COL27A1: variants seen among roughly 807,000 people sequenced by gnomAD.
COL27A1 encodes collagen alpha-1(XXVII) chain.
In COL27A1, 106 loss-of-function variants were observed where a neutral mutation model predicts 251.3. That is an observed-to-expected ratio of 0.42 (90% CI 0.36 to 0.50). The LOEUF (loss-of-function observed/expected upper bound fraction) is 0.50, where lower values mean the gene tolerates loss of function less well. COL27A1 is among the 20% of genes least tolerant of loss of function. The pLI, the probability that COL27A1 is intolerant of heterozygous loss-of-function variation, is 0.00. For missense variants in COL27A1, 2,325 were observed against 2,522.8 expected (o/e 0.92, Z 1.68); for synonymous variants, 1,000 against 986.3 (o/e 1.01, Z -0.26).
intron 16 of COL27A1, among the ~76,000 whole-genome samples, chr9:114,235,378 C>G (rs1045197400): frequency 6.6e-6 from 1 of 152,186 alleles, no homozygotes; most frequent in Admixed American, 6.5e-5. Flanking sequence ...TTCAGCCATC[C>G]GAGCAGCCCC....
At chr9:114,266,989 G>A (rs1177110413) in intron 33 of COL27A1, among the ~76,000 whole-genome samples, 2 of 152,166 alleles carry the variant, frequency 1.3e-5, no homozygotes, top group African/African-American at 2.4e-5. Flanking sequence ...GGGTCATGCA[G>A]CAAGGAACTT....
chr9:114,261,742 A>C (rs565611146), intron 28 of COL27A1, among the ~76,000 whole-genome samples: 2 of 149,776 alleles, frequency 1.3e-5, no homozygotes, highest in African/African-American at 4.8e-5. Flanking sequence ...TTTCTGAAAA[A>C]CAGTGACAGG....
intron 49 of COL27A1, among the ~76,000 whole-genome samples, chr9:114,292,675 A>G (rs1374384132): frequency 6.6e-6 from 1 of 152,264 alleles, no homozygotes; most frequent in Non-Finnish European, 1.5e-5. Flanking sequence ...ATGAAAAAGC[A>G]AGACCCAACT....
In COL27A1 at chr9:114,310,451, C is replaced by A; in HGVS notation, c.5437-98C>A. On this transcript the variant is annotated intron_variant, in intron 60 of 60. Coordinates refer to ENST00000356083, the MANE Select transcript of COL27A1 (RefSeq NM_032888.4). ...ATTGCTACAATGAAATACAGTATAG[C>A]CATTAAAAATTGTGAGGAAAGATGG... The A allele has an allele frequency of 6.2e-6, 8 of 1,299,814 alleles. 1 individual carries two copies. The highest frequency in any genetic ancestry group is 1.4e-5 in the African/African-American group (1 of 69,112). The allele number at this position is 1,299,814 out of a possible 1,614,324, so 80.5% of individuals were successfully genotyped here. A position where few individuals can be genotyped will look rare whatever the true frequency, so the allele number is the denominator to read the frequency against.
At chr9:114,301,571 G>A (rs943727569) in intron 54 of COL27A1, 109 bp downstream of exon 54, 3 of 1,535,850 alleles carry the variant, frequency 2.0e-6, no homozygotes, top group Non-Finnish European at 2.6e-6. Flanking sequence ...TCCCGTCTGT[G>A]CCAGAGGAAC....
At chr9:114,243,453 C>A in intron 22 of COL27A1, 54 bp from the exon 23 acceptor site, 1 of 1,515,238 alleles carries the variant, frequency 6.6e-7, no homozygotes, top group East Asian at 2.3e-5. Flanking sequence ...CCCCTGGACC[C>A]CAGCCATGTT....
In COL27A1 at chr9:114,209,583, T is replaced by A. The variant is rs553081799; in HGVS notation, c.2269-92T>A. 13 of 1,135,422 alleles carry A rather than the reference T, an allele frequency of 1.1e-5. No individual in the cohort carries two copies. The African/African-American group carries it at 2.0e-4, about 17-fold the overall frequency. The allele number at this position is 1,135,422 out of a possible 1,614,324, so 70.3% of individuals were successfully genotyped here. On this transcript the variant is annotated intron_variant, in intron 10 of 60. Transcript: ENST00000356083. Reference sequence around the variant, plus strand: ...CAGGGAGGAAGAGGAGGAGCCGGGATGTGGGATGGCAGTGGTGGGTGGGCT... The same window carrying A: ...CAGGGAGGAAGAGGAGGAGCCGGGAAGTGGGATGGCAGTGGTGGGTGGGCT...
chr9:114,280,623 C>A lies in COL27A1; in HGVS notation c.3718-1654C>A, dbSNP rs532604122. ...TGGCTGGAGGCCACGGGGCTAGTCC[C>A]ATACTAGAGGTGGGGAAACTAAGGT... is the stretch of plus-strand genomic sequence containing the variant. On this transcript the variant is annotated intron_variant, in intron 37 of 60. Coordinates refer to ENST00000356083, the MANE Select transcript of COL27A1 (RefSeq NM_032888.4). Among the ~76,000 whole-genome samples, 27 of 152,332 alleles carry A rather than the reference C, an allele frequency of 1.8e-4. No individual in the cohort carries two copies. In the East Asian group the frequency reaches 5.2e-3, roughly 29 times the overall value.
intron 49 of COL27A1, among the ~76,000 whole-genome samples, chr9:114,297,634 G>A (rs138209210): frequency 7.2e-4 from 109 of 152,174 alleles, no homozygotes; most frequent in Non-Finnish European, 1.2e-3. Flanking sequence ...ACACCCTTTC[G>A]TGATGAAAAC....
chr9:114,189,656 T>A (rs903095848), intron 5 of COL27A1, among the ~76,000 whole-genome samples: 1 of 152,224 alleles, frequency 6.6e-6, no homozygotes, highest in East Asian at 1.9e-4. Flanking sequence ...ATTTTTACAA[T>A]GTCTCTTAGT....
intron 4 of COL27A1, among the ~76,000 whole-genome samples, chr9:114,180,454 A>G (rs548487227): frequency 6.6e-4 from 100 of 152,156 alleles, no homozygotes; most frequent in South Asian, 1.5e-3. Flanking sequence ...CTCTCCTGAC[A>G]CGCTTCTAGG....
intron 3 of COL27A1, 127 bp from the exon 4 acceptor site, chr9:114,178,164 G>C (rs1440407631): frequency 1.3e-6 from 1 of 741,048 alleles, no homozygotes; most frequent in Admixed American, 2.1e-5. Flanking sequence ...GACCTCAGGG[G>C]ACTCCTCCTC....
intron 27 of COL27A1, among the ~76,000 whole-genome samples, chr9:114,256,846 C>T (rs1163075007): frequency 2.6e-5 from 4 of 152,226 alleles, no homozygotes; most frequent in African/African-American, 9.6e-5. Flanking sequence ...TTTCAGCACT[C>T]TATGCCTTGA....
chr9:114,156,455 G>T (rs1471387853), intron 1 of COL27A1, among the ~76,000 whole-genome samples: 2 of 152,050 alleles, frequency 1.3e-5, no homozygotes, highest in Admixed American at 6.5e-5. Flanking sequence ...GAAATTGTCC[G>T]CAAGTTTCTA....
chr9:114,194,193 G>A (rs1015501193), intron 5 of COL27A1, among the ~76,000 whole-genome samples: 1 of 152,166 alleles, frequency 6.6e-6, no homozygotes, highest in African/African-American at 2.4e-5. Flanking sequence ...GGAGGAACTT[G>A]GACTTTGTCA....
intron 11 of COL27A1, 35 bp from the exon 12 acceptor site, chr9:114,210,947 C>T (rs372698863): frequency 2.5e-5 from 41 of 1,613,156 alleles, no homozygotes; most frequent in Non-Finnish European, 3.4e-5. Context: ...CTGCTGGCAT[C>T]CTGCCCTGAC....
At chr9:114,198,599 G>A (rs958454769) in intron 7 of COL27A1, among the ~76,000 whole-genome samples, 2 of 152,176 alleles carry the variant, frequency 1.3e-5, no homozygotes, top group African/African-American at 2.4e-5. Flanking sequence ...GCTAGGATTC[G>A]AACCCAGGTC....
chr9:114,294,206 C>A (rs1390076373), intron 49 of COL27A1, among the ~76,000 whole-genome samples: 4 of 146,838 alleles, frequency 2.7e-5, no homozygotes, highest in Admixed American at 2.1e-4. Flanking sequence ...CAAGATCGTG[C>A]CATTGCACTC....
At chr9:114,210,571 G>A (rs959429710) in intron 11 of COL27A1, among the ~76,000 whole-genome samples, 1 of 152,154 alleles carries the variant, frequency 6.6e-6, no homozygotes, top group African/African-American at 2.4e-5. Flanking sequence ...AAAAGATGGT[G>A]TGGGAGCTTC....
Sources: allele counts gnomAD v4.1 joint callset (sites outside exome capture counted in the v4.1 genomes callset), GRCh38; gene constraint gnomAD v4.1.1; transcripts MANE v1.5; gene names NCBI Gene and HGNC (gene_info 2026-07-23, HGNC 2026-07-21).